The following MCCC1 variants were observed in gnomAD, a reference collection of about 807,000 sequenced individuals.
MCCC1 encodes the protein methylcrotonyl-CoA carboxylase subunit 1, also known as methylcrotonoyl-CoA carboxylase subunit alpha, mitochondrial.
In MCCC1, 64 loss-of-function variants were observed where a neutral mutation model predicts 83.8. The observed-to-expected ratio is 0.76, with a 90% CI of 0.62 to 0.94. The LOEUF (loss-of-function observed/expected upper bound fraction) is 0.94, where lower values mean the gene tolerates loss of function less well. Among genes scored for constraint, MCCC1 ranks in the 40% least tolerant of loss-of-function variants. The pLI, the probability that MCCC1 is intolerant of heterozygous loss-of-function variation, is 0.00. For synonymous variants in MCCC1, 322 were observed against 315.4 expected (o/e 1.02, Z -0.22); for missense variants, 807 against 904.7 (o/e 0.89, Z 1.39).
intron 4 of MCCC1, among the ~76,000 whole-genome samples, chr3:183,078,344 A>G (rs1353659036): frequency 1.3e-5 from 2 of 152,214 alleles, no homozygotes; most frequent in African/African-American, 4.8e-5. Flanking sequence ...AACAGAGTCT[A>G]AATCCTACAA....
chr3:183,051,519 GAA>G (rs944824958), intron 9 of MCCC1, among the ~76,000 whole-genome samples: 1 of 152,026 alleles, frequency 6.6e-6, no homozygotes, highest in Non-Finnish European at 1.5e-5. Flanking sequence ...TAGGGGGGAT[GAA>G]AGGATGAATA....
chr3:183,034,466 A>C (rs1366994809), intron 13 of MCCC1, among the ~76,000 whole-genome samples: 1 of 150,950 alleles, frequency 6.6e-6, no homozygotes, highest in South Asian at 2.1e-4. Context: ...AAAAAAAAAA[A>C]AAACAAAAAA....
intron 7 of MCCC1, among the ~76,000 whole-genome samples, chr3:183,065,755 T>A (rs1265048120): frequency 6.6e-6 from 1 of 152,228 alleles, no homozygotes; most frequent in African/African-American, 2.4e-5. Context: ...ATTCTGTGTG[T>A]GAACATATTG....
At chr3:183,053,845 G>A (rs535413757) in intron 8 of MCCC1, among the ~76,000 whole-genome samples, 77 of 148,988 alleles carry the variant, frequency 5.2e-4, no homozygotes, top group African/African-American at 1.8e-3. Flanking sequence ...TTAAAAAATA[G>A]GAAAAAGCTT....
At chr3:183,084,269 T>C (rs1055571470) in intron 4 of MCCC1, among the ~76,000 whole-genome samples, 7 of 152,224 alleles carry the variant, frequency 4.6e-5, no homozygotes, top group African/African-American at 9.6e-5. Context: ...AGTAGCAAGA[T>C]TTAGATGCTT....
In MCCC1 at chr3:183,092,487, C is replaced by T. The variant is rs1337114466; in HGVS notation, c.195G>A (p.Met65Ile). The change falls in exon 3 of 19, where the codon ATG becomes ATA. Residue 65 changes from methionine (M) to isoleucine (I), a missense_variant. Coordinates refer to ENST00000265594, the MANE Select transcript of MCCC1 (RefSeq NM_020166.5). ...ANRGEIACRVMRTAKKLGVQT... is the reference protein window; with the variant it reads ...ANRGEIACRVIRTAKKLGVQT... ...GTACACCCAGTTTTTTGGCTGTGCGCATCACCCTGCAGGCAATTTCTCCTC... is the reference window on the plus strand; with the variant it reads ...GTACACCCAGTTTTTTGGCTGTGCGTATCACCCTGCAGGCAATTTCTCCTC... 1 of 1,614,192 alleles carries T rather than the reference C, an allele frequency of 6.2e-7. No individual in the cohort carries two copies. The highest frequency in any genetic ancestry group is 8.5e-7 in the Non-Finnish European group (1 of 1,180,044).
intron 17 of MCCC1, among the ~76,000 whole-genome samples, chr3:183,019,742 C>G (rs73068827): frequency 6.6e-6 from 1 of 152,154 alleles, no homozygotes; most frequent in Non-Finnish European, 1.5e-5. Flanking sequence ...TTTACATTAA[C>G]GCAGATGCAA....
In MCCC1 at chr3:183,025,771, C is replaced by G. The variant is rs182830931; in HGVS notation, c.1715G>C (p.Gly572Ala). Reference sequence around the variant, plus strand: ...AAGGCTTACCTGCATGCTATAAGACCCATCATGGTTATACGTTACAGCTAT... The same window carrying G: ...AAGGCTTACCTGCATGCTATAAGACGCATCATGGTTATACGTTACAGCTAT... The part of the protein sequence containing the change: ...VAIAVTYNHD[G>A]SYSMQIEDKT... The change falls in exon 15 of 19, where the codon GGG (glycine) becomes GCG (alanine). Residue 572 changes from glycine to alanine, a missense_variant. Coordinates refer to ENST00000265594, the MANE Select transcript of MCCC1 (RefSeq NM_020166.5). 2.2e-5 allele frequency: 35 copies of G among 1,613,790 alleles called. No individual in the cohort carries two copies. The East Asian group carries it at 7.4e-4, about 34-fold the overall frequency.
chr3:183,058,467 T>A (rs1307541600), intron 7 of MCCC1, among the ~76,000 whole-genome samples: 2 of 152,010 alleles, frequency 1.3e-5, no homozygotes, highest in East Asian at 1.9e-4. Flanking sequence ...AATTTTTTTT[T>A]ATAAATTAGC....
intron 1 of MCCC1, among the ~76,000 whole-genome samples, chr3:183,112,712 T>C (rs1044733312): frequency 6.6e-6 from 1 of 152,182 alleles, no homozygotes; most frequent in Non-Finnish European, 1.5e-5. Context: ...TCAGCATGTA[T>C]ACCAGCATGC....
intron 7 of MCCC1, among the ~76,000 whole-genome samples, chr3:183,067,352 T>C (rs892113466): frequency 3.3e-5 from 5 of 152,246 alleles, no homozygotes; most frequent in Non-Finnish European, 5.9e-5. Context: ...AAAAAAGGTC[T>C]TCTCTGACAT....
At chr3:183,063,213 AC>A (rs1298864222) in intron 7 of MCCC1, among the ~76,000 whole-genome samples, 1 of 151,408 alleles carries the variant, frequency 6.6e-6, no homozygotes, top group East Asian at 1.9e-4. Context: ...TGATCTCCTG[AC>A]CTCGTGATCT....
chr3:183,112,510 T>A (rs1719515864), intron 1 of MCCC1, among the ~76,000 whole-genome samples: 1 of 152,218 alleles, frequency 6.6e-6, no homozygotes, highest in Non-Finnish European at 1.5e-5. Flanking sequence ...TTAAAAAACC[T>A]TTTATTATGG....
At chr3:183,020,301 C>T in intron 16 of MCCC1, 64 bp from the exon 17 acceptor site, 4 of 1,231,042 alleles carry the variant, frequency 3.2e-6, no homozygotes, top group South Asian at 1.2e-5. Context: ...TACTAATATA[C>T]CTGAGGTAAT....
At position 183,031,855 on chromosome 3, in the gene MCCC1, G is replaced by A. The variant is rs534430958; in HGVS notation, c.1681+2136C>T. Among the ~76,000 whole-genome samples, 10 of 150,606 alleles carry A rather than the reference G, an allele frequency of 6.6e-5. No homozygotes were observed. In the South Asian group the frequency reaches 1.7e-3, roughly 25 times the overall value. ...TAAAAATTTTTATTTTATAAATAGG[G>A]ACAGGATCTCACTATGTCACCTAGG... On this transcript the variant is annotated intron_variant, in intron 14 of 18. Transcript: ENST00000265594.
intron 4 of MCCC1, among the ~76,000 whole-genome samples, chr3:183,079,941 T>C (rs577568142): frequency 1.3e-5 from 2 of 152,328 alleles, no homozygotes; most frequent in East Asian, 3.9e-4. Context: ...GCCCAAGTAG[T>C]ACCTTGGCCC....
chr3:183,054,906 T>C (rs1390776135), intron 8 of MCCC1, among the ~76,000 whole-genome samples: 1 of 152,212 alleles, frequency 6.6e-6, no homozygotes, highest in Non-Finnish European at 1.5e-5. Flanking sequence ...AGTAACATGC[T>C]GTATATAGGT....
intron 4 of MCCC1, among the ~76,000 whole-genome samples, chr3:183,073,727 C>A (rs925620258): frequency 1.2e-4 from 19 of 152,188 alleles, no homozygotes; most frequent in African/African-American, 3.9e-4. Context: ...TTGGTCCTTA[C>A]CAAGAACCAA....
At chr3:183,050,896 C>G (rs1714928207) in intron 9 of MCCC1, among the ~76,000 whole-genome samples, 1 of 151,974 alleles carries the variant, frequency 6.6e-6, no homozygotes, top group Non-Finnish European at 1.5e-5. Flanking sequence ...GACACTTCAT[C>G]AAAGAAGATA....
Sources: allele counts gnomAD v4.1 joint callset (sites outside exome capture counted in the v4.1 genomes callset), GRCh38; gene constraint gnomAD v4.1.1; transcripts MANE v1.5; gene names NCBI Gene and HGNC (gene_info 2026-07-23, HGNC 2026-07-21).